Variants in EPHA6 observed in about 807,000 individuals in gnomAD.
EPHA6 encodes the protein ephrin type-A receptor 6.
In EPHA6, 50 loss-of-function variants were observed where a neutral mutation model predicts 112.0. The ratio of observed to expected loss-of-function variants is 0.45; its 90% confidence interval spans 0.36 to 0.56. EPHA6 has a LOEUF of 0.56. Among genes scored for constraint, EPHA6 ranks in the 20% least tolerant of loss-of-function variants. EPHA6 has a pLI of 0.00. For missense variants in EPHA6, 1,280 were observed against 1,417.4 expected, an observed-to-expected ratio of 0.90 and a Z score of 1.56; for synonymous variants, 529 against 490.7, an observed-to-expected ratio of 1.08 and a Z score of -1.03.
At chr3:97,460,673 G>C (rs1381286696) in intron 7 of EPHA6, among the ~76,000 whole-genome samples, 1 of 152,126 alleles carries the variant, frequency 6.6e-6, no homozygotes, top group Admixed American at 6.5e-5. Flanking sequence ...TCTTCCTGGG[G>C]ACAGTCAGAA....
At chr3:97,414,677 A>T (rs1319537453) in intron 6 of EPHA6, among the ~76,000 whole-genome samples, 1 of 152,060 alleles carries the variant, frequency 6.6e-6, no homozygotes, top group African/African-American at 2.4e-5. Context: ...AACTAGAAAT[A>T]ATTATGAGGC....
intron 3 of EPHA6, among the ~76,000 whole-genome samples, chr3:97,084,863 C>A (rs912271625): frequency 2.0e-5 from 3 of 151,984 alleles, no homozygotes; most frequent in African/African-American, 7.2e-5. Context: ...GGTACTGGTA[C>A]AAAAATATTC....
intron 5 of EPHA6, among the ~76,000 whole-genome samples, chr3:97,400,876 C>T (rs1013529668): frequency 6.6e-6 from 1 of 151,724 alleles, no homozygotes; most frequent in Non-Finnish European, 1.5e-5. Context: ...GAGAATTTTA[C>T]TTCCTCCTTT....
intron 2 of EPHA6, among the ~76,000 whole-genome samples, chr3:96,945,547 G>C (rs575671803): frequency 6.6e-6 from 1 of 152,222 alleles, no homozygotes; most frequent in Admixed American, 6.5e-5. Context: ...CTTTGGTCAG[G>C]TCACTTAACA....
Position 97,754,955 on chromosome 3 carries a change from G to C in EPHA6, c.*6254G>C, listed in dbSNP as rs1424779135. On this transcript the variant is annotated 3_prime_UTR_variant, in exon 18 of 18. Coordinates refer to ENST00000389672, the MANE Select transcript of EPHA6 (RefSeq NM_001080448.3). ...CCTGACCTGGTGATCCAACCGCCTC[G>C]GCCTCCCAAAGTGGTGGGATTACAG... Among the ~76,000 whole-genome samples, 1 of 151,832 alleles carries C rather than the reference G, an allele frequency of 6.6e-6. No individual in the cohort carries two copies. Among genetic ancestry groups the C allele is most frequent in the African/African-American group, 2.4e-5 (1 of 41,330 alleles).
chr3:97,304,335 A>G (rs2081221070), intron 5 of EPHA6, among the ~76,000 whole-genome samples: 1 of 151,996 alleles, frequency 6.6e-6, no homozygotes, highest in African/African-American at 2.4e-5. Flanking sequence ...TTTCAAGGAA[A>G]GGGGCAATGC....
At chr3:97,030,445 A>C (rs1441553190) in intron 3 of EPHA6, among the ~76,000 whole-genome samples, 1 of 152,090 alleles carries the variant, frequency 6.6e-6, no homozygotes, top group Non-Finnish European at 1.5e-5. Flanking sequence ...GCCGTCATCC[A>C]GAGTTAGAGC....
At chr3:96,899,155 A>T (rs1476688317) in intron 2 of EPHA6, among the ~76,000 whole-genome samples, 1 of 151,748 alleles carries the variant, frequency 6.6e-6, no homozygotes, top group Non-Finnish European at 1.5e-5. Context: ...TAGGAAAAAA[A>T]TTTTTCTTGC....
intron 3 of EPHA6, among the ~76,000 whole-genome samples, chr3:97,109,501 A>G (rs1466842129): frequency 2.0e-5 from 3 of 152,160 alleles, no homozygotes; most frequent in Non-Finnish European, 2.9e-5. Flanking sequence ...TTCAAGTTAA[A>G]TTTTAAAGAA....
chr3:97,419,683 A>G (rs1271845318), intron 6 of EPHA6, among the ~76,000 whole-genome samples: 2 of 152,176 alleles, frequency 1.3e-5, no homozygotes, highest in African/African-American at 4.8e-5. Context: ...AAGTCCAGGG[A>G]AAGTAGGAGG....
At chr3:96,948,602 C>T (rs753757851) in intron 2 of EPHA6, among the ~76,000 whole-genome samples, 7 of 152,040 alleles carry the variant, frequency 4.6e-5, no homozygotes, top group African/African-American at 7.2e-5. Context: ...TATATAGATT[C>T]GTGGTAAAAG....
intron 10 of EPHA6, among the ~76,000 whole-genome samples, chr3:97,529,173 A>G (rs1293540706): frequency 6.6e-6 from 1 of 152,162 alleles, no homozygotes; most frequent in Non-Finnish European, 1.5e-5. Flanking sequence ...ACAGCAGAGA[A>G]TAATGGTTAC....
intron 11 of EPHA6, 59 bp downstream of exon 11, chr3:97,532,602 G>C (rs1264110694): frequency 7.1e-7 from 1 of 1,402,790 alleles, no homozygotes; most frequent in Non-Finnish European, 9.6e-7. Flanking sequence ...TTTTTTTTAA[G>C]AAAAGGAAAA....
intron 2 of EPHA6, among the ~76,000 whole-genome samples, chr3:96,874,774 A>G (rs1407030425): frequency 1.3e-5 from 2 of 152,086 alleles, no homozygotes; most frequent in Non-Finnish European, 2.9e-5. Context: ...GGAATTTAGG[A>G]TTTCTATGTT....
At chr3:97,663,388 G>A (rs985771845) in intron 14 of EPHA6, among the ~76,000 whole-genome samples, 4 of 151,544 alleles carry the variant, frequency 2.6e-5, no homozygotes, top group African/African-American at 9.7e-5. Flanking sequence ...ACAACGTGCA[G>A]GTTTGTTACA....
In EPHA6 at chr3:97,330,647, G is replaced by A. The variant is rs184142782; in HGVS notation, c.1607-74503G>A. On this transcript the variant is annotated intron_variant, in intron 5 of 17. Coordinates refer to ENST00000389672, the MANE Select transcript of EPHA6 (RefSeq NM_001080448.3). ...ACCAACAAAGATCAAAAGAGACAAAGAAGGCTATTACATAATGGTAAAGGG... is the reference window on the plus strand; with the variant it reads ...ACCAACAAAGATCAAAAGAGACAAAAAAGGCTATTACATAATGGTAAAGGG... Among the ~76,000 whole-genome samples, 787 of 152,178 alleles carry A rather than the reference G, an allele frequency of 5.2e-3. 15 individuals carry two copies. The highest frequency in any genetic ancestry group is 0.018 in the African/African-American group (753 of 41,534).
At chr3:96,979,708 A>C (rs1264303647) in intron 2 of EPHA6, among the ~76,000 whole-genome samples, 2 of 152,076 alleles carry the variant, frequency 1.3e-5, no homozygotes, top group Non-Finnish European at 1.5e-5. Context: ...CCTCTCCAGC[A>C]CCTGTTGTTT....
At position 97,223,581 on chromosome 3, in the gene EPHA6, G is replaced by T. The variant is rs867464393; in HGVS notation, c.1115-2683G>T. 8.1e-4 allele frequency among the ~76,000 whole-genome samples: 123 copies of T among 152,268 alleles called. 1 individual carries two copies. The Middle Eastern group carries it at 0.017, about 21-fold the overall frequency. On this transcript the variant is annotated intron_variant, in intron 3 of 17. Coordinates refer to ENST00000389672, the MANE Select transcript of EPHA6 (RefSeq NM_001080448.3). ...TGGGGGTGGGGAGCAAAACCATGCG[G>T]TGCTTGGGAGGCAGTTATCAAGGCA...
chr3:96,833,139 G>A (rs2034192313), intron 1 of EPHA6, among the ~76,000 whole-genome samples: 1 of 149,896 alleles, frequency 6.7e-6, no homozygotes, highest in African/African-American at 2.5e-5. Context: ...TAGTGTTATT[G>A]CAGATGTACA....
Sources: allele counts gnomAD v4.1 joint callset (sites outside exome capture counted in the v4.1 genomes callset), GRCh38; gene constraint gnomAD v4.1.1; transcripts MANE v1.5; gene names NCBI Gene and HGNC (gene_info 2026-07-23, HGNC 2026-07-21).